WWOX: variants seen among roughly 807,000 people sequenced by gnomAD.
The protein encoded by WWOX is WW domain-containing oxidoreductase.
A neutral mutation model predicts 46.2 loss-of-function variants in WWOX; 69 were observed. The observed-to-expected ratio is 1.49, with a 90% CI of 1.23 to 1.82. WWOX has a LOEUF of 1.82. WWOX is among the 40% of genes most tolerant of loss of function. The pLI, the probability that WWOX is intolerant of heterozygous loss-of-function variation, is 0.00. For synonymous variants in WWOX, 359 were observed against 202.6 expected (o/e 1.77, Z -6.56); for missense variants, 919 against 542.6 (o/e 1.69, Z -6.89).
intron 8 of WWOX, among the ~76,000 whole-genome samples, chr16:79,195,411 C>T (rs2051219636): frequency 2.0e-5 from 3 of 152,106 alleles, no homozygotes; most frequent in Non-Finnish European, 4.4e-5. Flanking sequence ...TGTGGGCTCC[C>T]TCCTGGAGTG....
At chr16:78,721,442 G>A (rs973494789) in intron 8 of WWOX, among the ~76,000 whole-genome samples, 2 of 152,158 alleles carry the variant, frequency 1.3e-5, no homozygotes, top group African/African-American at 4.8e-5. Flanking sequence ...AGAGTATTCA[G>A]CTGTCAGACA....
intron 8 of WWOX, among the ~76,000 whole-genome samples, chr16:79,139,364 G>A (rs1300132870): frequency 6.6e-6 from 1 of 152,164 alleles, no homozygotes; most frequent in Non-Finnish European, 1.5e-5. Context: ...CTTTAATGTT[G>A]TTCTCTTGGT....
chr16:78,735,426 C>A (rs8045225), intron 8 of WWOX, among the ~76,000 whole-genome samples: 94 of 150,278 alleles, frequency 6.3e-4, no homozygotes, highest in African/African-American at 9.8e-4. Context: ...CACACACACA[C>A]TAATATGGTT....
At chr16:78,548,790 A>C (rs2044108653) in intron 8 of WWOX, among the ~76,000 whole-genome samples, 1 of 152,216 alleles carries the variant, frequency 6.6e-6, no homozygotes, top group South Asian at 2.1e-4. Flanking sequence ...TTGGTTTGAA[A>C]ATAAACGCCT....
chr16:79,151,146 C>A (rs1206517777), intron 8 of WWOX, among the ~76,000 whole-genome samples: 1 of 152,188 alleles, frequency 6.6e-6, no homozygotes, highest in Admixed American at 6.5e-5. Context: ...AGAAAATTCC[C>A]CTCCTGCTTT....
intron 8 of WWOX, among the ~76,000 whole-genome samples, chr16:79,179,885 G>C (rs2050875690): frequency 6.6e-6 from 1 of 152,198 alleles, no homozygotes; most frequent in African/African-American, 2.4e-5. Flanking sequence ...GAACACATTT[G>C]ATTTAGGTTG....
intron 8 of WWOX, among the ~76,000 whole-genome samples, chr16:78,504,897 C>A (rs1019105551): frequency 4.6e-5 from 7 of 152,090 alleles, no homozygotes; most frequent in Middle Eastern, 6.8e-3. Context: ...GAAACCAAAC[C>A]CACATTAATT....
chr16:79,022,891 C>T (rs1185175277), intron 8 of WWOX, among the ~76,000 whole-genome samples: 1 of 152,180 alleles, frequency 6.6e-6, no homozygotes, highest in African/African-American at 2.4e-5. Context: ...CTGCAGGTTA[C>T]TTCTCTCCCC....
At chr16:78,304,092 G>A (rs566622383) in intron 5 of WWOX, among the ~76,000 whole-genome samples, 1 of 152,102 alleles carries the variant, frequency 6.6e-6, no homozygotes, top group African/African-American at 2.4e-5. Flanking sequence ...CATAGCTTCG[G>A]TGCTCCTTCT....
chr16:78,568,280 G>A (rs891187115), intron 8 of WWOX, among the ~76,000 whole-genome samples: 1 of 151,812 alleles, frequency 6.6e-6, no homozygotes, highest in Non-Finnish European at 1.5e-5. Context: ...AGATGAGGGA[G>A]GAAAATGGTT....
chr16:78,432,350 C>G (rs780079993), intron 7 of WWOX, 138 bp from the exon 8 acceptor site: 13 of 1,150,934 alleles, frequency 1.1e-5, no homozygotes, highest in East Asian at 4.8e-5. Context: ...AGGTGATCCA[C>G]TCGTCTAAGA....
At chr16:79,180,970 G>T (rs527567279) in intron 8 of WWOX, among the ~76,000 whole-genome samples, 4 of 152,276 alleles carry the variant, frequency 2.6e-5, no homozygotes, top group African/African-American at 9.6e-5. Context: ...ATACAGTTGA[G>T]ATCATATTGT....
At chr16:78,782,222 C>T (rs938113672) in intron 8 of WWOX, among the ~76,000 whole-genome samples, 1 of 152,182 alleles carries the variant, frequency 6.6e-6, no homozygotes, top group Non-Finnish European at 1.5e-5. Context: ...CGATTGACCC[C>T]ACTGGACTTC....
rs564673407 is a variant in WWOX at position 78,498,098 on chromosome 16, G to A, written c.1056+65346G>A. On this transcript the variant is annotated intron_variant, in intron 8 of 8. Transcript: ENST00000566780. ...CGGGCGCCTGTAGTCCCAGCTACTT[G>A]GGAGGCTGAGGCAGGAGAATGGCAT... 2.2e-3 allele frequency among the ~76,000 whole-genome samples: 340 copies of A among 151,364 alleles called. 2 individuals are homozygous for A. Among genetic ancestry groups the A allele is most frequent in the African/African-American group, 7.9e-3 (328 of 41,380 alleles).
chr16:79,029,339 G>T (rs1294474827), intron 8 of WWOX, among the ~76,000 whole-genome samples: 1 of 152,190 alleles, frequency 6.6e-6, no homozygotes, highest in Non-Finnish European at 1.5e-5. Context: ...TTAAGAAAAA[G>T]GTATGCAGTC....
intron 8 of WWOX, among the ~76,000 whole-genome samples, chr16:78,778,567 G>C (rs542289992): frequency 6.6e-6 from 1 of 152,102 alleles, no homozygotes; most frequent in African/African-American, 2.4e-5. Flanking sequence ...GAAGAGCGAC[G>C]CAATAGAAAT....
At chr16:78,909,711 T>C (rs2045059511) in intron 8 of WWOX, among the ~76,000 whole-genome samples, 1 of 152,230 alleles carries the variant, frequency 6.6e-6, no homozygotes, top group African/African-American at 2.4e-5. Context: ...AGTTTGTTCT[T>C]TAAGCAAAAC....
intron 8 of WWOX, among the ~76,000 whole-genome samples, chr16:78,955,859 G>C (rs967408734): frequency 6.6e-6 from 1 of 151,680 alleles, no homozygotes; most frequent in Non-Finnish European, 1.5e-5. Flanking sequence ...TCCCAGGCTG[G>C]TCTCTAATTC....
At chr16:78,120,278 A>T (rs947678428) in intron 4 of WWOX, among the ~76,000 whole-genome samples, 1 of 152,306 alleles carries the variant, frequency 6.6e-6, no homozygotes, top group South Asian at 2.1e-4. Context: ...AAATGAAGGT[A>T]TAAATATTTC....
Sources: allele counts gnomAD v4.1 joint callset (sites outside exome capture counted in the v4.1 genomes callset), GRCh38; gene constraint gnomAD v4.1.1; transcripts MANE v1.5; gene names NCBI Gene and HGNC (gene_info 2026-07-23, HGNC 2026-07-21).